SNTG1: variants seen among roughly 807,000 people sequenced by gnomAD.
The protein encoded by SNTG1 is syntrophin gamma 1.
A neutral mutation model predicts 74.7 loss-of-function variants in SNTG1; 39 were observed. That is an observed-to-expected ratio of 0.52 (90% confidence interval 0.40 to 0.68). SNTG1 has a LOEUF of 0.68. Ranked by LOEUF, SNTG1 falls within the 30% of genes least tolerant of loss-of-function variation. The pLI, the probability that SNTG1 is intolerant of heterozygous loss-of-function variation, is 0.00. For missense variants in SNTG1, 685 were observed against 609.5 expected (o/e 1.12, Z -1.30); for synonymous variants, 254 against 217.1 (o/e 1.17, Z -1.49).
intron 1 of SNTG1, among the ~76,000 whole-genome samples, chr8:50,113,682 C>G (rs554146994): frequency 1.3e-5 from 2 of 152,232 alleles, no homozygotes; most frequent in African/African-American, 4.8e-5. Flanking sequence ...GGGAATGCTT[C>G]CAGTTTTTGC....
At chr8:50,079,761 A>G (rs192071470) in intron 1 of SNTG1, among the ~76,000 whole-genome samples, 65 of 152,280 alleles carry the variant, frequency 4.3e-4, no homozygotes, top group Non-Finnish European at 8.4e-4. Context: ...AAAGGGGTCC[A>G]GTTTCTGTTT....
intron 8 of SNTG1, chr8:50,491,135 A>T (rs1012571313): frequency 1.3e-5 from 2 of 152,390 alleles, no homozygotes; most frequent in Non-Finnish European, 2.9e-5. Context: ...GGATGCAGCC[A>T]CCACGGGTTC....
intron 1 of SNTG1, among the ~76,000 whole-genome samples, chr8:50,045,204 T>C (rs1818975728): frequency 6.6e-6 from 1 of 152,130 alleles, no homozygotes; most frequent in African/African-American, 2.4e-5. Context: ...TATAAAGAAA[T>C]ACTTGTGGCT....
chr8:50,617,640 C>G (rs2094893951), intron 13 of SNTG1, among the ~76,000 whole-genome samples: 1 of 152,192 alleles, frequency 6.6e-6, no homozygotes, highest in Non-Finnish European at 1.5e-5. Context: ...AAGAGCCGAG[C>G]TCCCCGAGTG....
intron 2 of SNTG1, among the ~76,000 whole-genome samples, chr8:50,374,024 C>T (rs78209017): frequency 0.05 from 7,587 of 151,846 alleles, 263 homozygotes; most frequent in Non-Finnish European, 0.079. Context: ...ATTTATCTTC[C>T]CCAAAATTCA....
At chr8:49,965,653 C>T (rs1023676116) in intron 1 of SNTG1, among the ~76,000 whole-genome samples, 5 of 152,156 alleles carry the variant, frequency 3.3e-5, no homozygotes, top group Non-Finnish European at 5.9e-5. Flanking sequence ...TTGCTCCAAC[C>T]TCTCTAGCCC....
At chr8:49,966,960 C>G (rs963551325) in intron 1 of SNTG1, among the ~76,000 whole-genome samples, 2 of 151,936 alleles carry the variant, frequency 1.3e-5, no homozygotes, top group African/African-American at 4.8e-5. Context: ...AATTTGCTAG[C>G]AAGATTTTTT....
chr8:50,401,899 T>C (rs1392370707), intron 3 of SNTG1, among the ~76,000 whole-genome samples: 1 of 152,234 alleles, frequency 6.6e-6, no homozygotes, highest in African/African-American at 2.4e-5. Flanking sequence ...TTTTTTATTT[T>C]TAGATTATAA....
intron 13 of SNTG1, among the ~76,000 whole-genome samples, chr8:50,632,274 A>C (rs2095004368): frequency 3.4e-5 from 5 of 148,308 alleles, no homozygotes; most frequent in Admixed American, 2.7e-4. Context: ...TTATTTTAAT[A>C]GTCTTTTTAA....
chr8:50,472,600 A>G (rs1587736027), intron 8 of SNTG1, among the ~76,000 whole-genome samples: 1 of 152,160 alleles, frequency 6.6e-6, no homozygotes, highest in Non-Finnish European at 1.5e-5. Context: ...GCTTTATACC[A>G]TCAGATTAGG....
chr8:50,626,982 T>C (rs756399981), intron 13 of SNTG1, among the ~76,000 whole-genome samples: 16 of 152,210 alleles, frequency 1.1e-4, no homozygotes, highest in Admixed American at 3.3e-4. Flanking sequence ...TTACAATCCC[T>C]ATTTATTTTT....
intron 8 of SNTG1, among the ~76,000 whole-genome samples, chr8:50,462,950 C>T (rs936890066): frequency 4.0e-5 from 6 of 151,190 alleles, no homozygotes; most frequent in African/African-American, 9.7e-5. Flanking sequence ...CCAAGTAGCT[C>T]GGACTACAGG....
chr8:50,541,579 A>G (rs2094347392), intron 11 of SNTG1, among the ~76,000 whole-genome samples: 1 of 152,102 alleles, frequency 6.6e-6, no homozygotes, highest in Non-Finnish European at 1.5e-5. Context: ...TGATCATTTA[A>G]TACATCCATA....
chr8:50,278,182 A>AG (rs1257509771), intron 2 of SNTG1, among the ~76,000 whole-genome samples: 1 of 152,194 alleles, frequency 6.6e-6, no homozygotes, highest in East Asian at 1.9e-4. Context: ...AAAAAGAAAA[A>AG]GAAAAAAAAG....
Position 50,082,329 on chromosome 8 carries a change from AC to A in SNTG1, c.-102-90231del, listed in dbSNP as rs1822486256. Among the ~76,000 whole-genome samples the A allele has an allele frequency of 2.0e-5, 3 of 152,200 alleles. No homozygotes were observed. In the South Asian group the frequency reaches 6.2e-4, roughly 32 times the overall value. On this transcript the variant is annotated intron_variant, in intron 1 of 18. Transcript: ENST00000642720. ...ATTGGTTACACTCTTGTTTCTTTTT[AC>A]TTTTATGCACAATAATGAGCATTTT...
At chr8:50,653,376 G>A (rs573152890) in intron 13 of SNTG1, among the ~76,000 whole-genome samples, 14 of 152,226 alleles carry the variant, frequency 9.2e-5, no homozygotes, top group Middle Eastern at 3.4e-3. Context: ...CGTTAGAGCT[G>A]CAGTGAACTG....
chr8:50,156,338 A>G (rs1335731038), intron 1 of SNTG1, among the ~76,000 whole-genome samples: 2 of 152,118 alleles, frequency 1.3e-5, no homozygotes, highest in African/African-American at 4.8e-5. Flanking sequence ...AATGTATTAA[A>G]ATTACGGATC....
chr8:50,737,371 T>A (rs2095531607), intron 17 of SNTG1, among the ~76,000 whole-genome samples: 1 of 151,962 alleles, frequency 6.6e-6, no homozygotes, highest in East Asian at 1.9e-4. Context: ...AGAAGTCAAA[T>A]CCCTGAATAG....
At chr8:50,556,354 T>C (rs1463780044) in intron 12 of SNTG1, among the ~76,000 whole-genome samples, 3 of 152,152 alleles carry the variant, frequency 2.0e-5, no homozygotes, top group Non-Finnish European at 4.4e-5. Flanking sequence ...GTTCAGCTCA[T>C]TTCTTAACCA....
Sources: allele counts gnomAD v4.1 joint callset (sites outside exome capture counted in the v4.1 genomes callset), GRCh38; gene constraint gnomAD v4.1.1; transcripts MANE v1.5; gene names NCBI Gene and HGNC (gene_info 2026-07-23, HGNC 2026-07-21).